PRKG1: variants seen among roughly 807,000 people sequenced by gnomAD.
The protein encoded by PRKG1 is cGMP-dependent protein kinase 1.
Under a neutral mutation model 88.1 loss-of-function variants are expected in PRKG1, and 35 were observed. The ratio of observed to expected loss-of-function variants is 0.40; its 90% CI spans 0.30 to 0.53. The LOEUF is 0.53. PRKG1 is among the 20% of genes least tolerant of loss of function. The probability of loss-of-function intolerance (pLI) is 0.59; values close to 1 mark genes in which losing one functional copy is unlikely to be tolerated. For synonymous variants in PRKG1, 303 were observed against 292.5 expected (o/e 1.04, Z -0.37); for missense variants, 540 against 839.8 (o/e 0.64, Z 4.41).
At chr10:51,107,810 C>CAAA (rs150587434) in intron 1 of PRKG1, among the ~76,000 whole-genome samples, 10 of 63,278 alleles carry the variant, frequency 1.6e-4, no homozygotes, top group South Asian at 7.0e-4. Flanking sequence ...AACCCTGTCT[C>CAAA]AAAAAAAAAA....
At chr10:51,741,587 G>A (rs10999189) in intron 3 of PRKG1, among the ~76,000 whole-genome samples, 70 of 152,088 alleles carry the variant, frequency 4.6e-4, no homozygotes, top group Admixed American at 7.8e-4. Flanking sequence ...GTTTTAAGAC[G>A]TCCACAAGGC....
chr10:51,782,961 T>G (rs1432553231), intron 3 of PRKG1, among the ~76,000 whole-genome samples: 1 of 152,078 alleles, frequency 6.6e-6, no homozygotes, highest in Non-Finnish European at 1.5e-5. Flanking sequence ...GAGTCCTGTC[T>G]TTTGACGCCT....
chr10:52,027,778 T>TGTA (rs1564436443), intron 5 of PRKG1, among the ~76,000 whole-genome samples: 2 of 151,614 alleles, frequency 1.3e-5, no homozygotes, highest in African/African-American at 4.8e-5. Flanking sequence ...CTGTTCTATC[T>TGTA]TTATTATTAT....
Position 52,166,859 on chromosome 10 carries a change from ATATCTG to A in PRKG1, c.1076+4900_1076+4905del, listed in dbSNP as rs1564498644. On this transcript the variant is annotated intron_variant, in intron 9 of 17. Transcript: ENST00000373980. ...TATATGTATATATATGTCTATATAT[ATATCTG>A]TATATGTGTATGTATACACACACAC... 1.7e-4 allele frequency among the ~76,000 whole-genome samples: 16 copies of A among 96,964 alleles called. No homozygotes were observed. The East Asian group carries it at 4.4e-3, about 27-fold the overall frequency. 63.6% of individuals were successfully genotyped at this position (96,964 alleles called of 152,430 possible).
rs115678411 is a variant in PRKG1, at chr10:52,001,464, T to C, written c.763-53020T>C. Reference sequence around the variant, plus strand: ...ACCTACATCCAAACATCACATTGTATATCCTAAACATATACAACTTTTTTT... The same window carrying C: ...ACCTACATCCAAACATCACATTGTACATCCTAAACATATACAACTTTTTTT... On this transcript the variant is annotated intron_variant, in intron 5 of 17. Transcript: ENST00000373980. 1.3e-3 allele frequency among the ~76,000 whole-genome samples: 191 copies of C among 152,138 alleles called. 1 individual carries two copies. Among genetic ancestry groups the C allele is most frequent in the African/African-American group, 4.5e-3 (186 of 41,562 alleles).
intron 2 of PRKG1, among the ~76,000 whole-genome samples, chr10:51,425,902 C>G (rs1272732180): frequency 6.6e-6 from 1 of 152,164 alleles, no homozygotes; most frequent in Non-Finnish European, 1.5e-5. Flanking sequence ...TCCGTAGGCT[C>G]TCAATTTTCT....
At position 51,028,454 on chromosome 10, in the gene PRKG1, A is replaced by G. The variant is rs570656195; in HGVS notation, c.266+36810A>G. On this transcript the variant is annotated intron_variant, in intron 1 of 17. Coordinates refer to the PRKG1 transcript ENST00000401604. ...CTATCTGTTGATTGGATTTGGCTGTATTCTCAATGAAAGCCTAGTGCTCTA... is the reference window on the plus strand; with the variant it reads ...CTATCTGTTGATTGGATTTGGCTGTGTTCTCAATGAAAGCCTAGTGCTCTA... Among the ~76,000 whole-genome samples the G allele has an allele frequency of 4.9e-4, 74 of 152,282 alleles. 1 individual carries two copies. The highest frequency in any genetic ancestry group is 1.8e-3 in the African/African-American group (73 of 41,566).
At chr10:51,604,285 C>A (rs1042655087) in intron 3 of PRKG1, among the ~76,000 whole-genome samples, 13 of 152,230 alleles carry the variant, frequency 8.5e-5, no homozygotes, top group African/African-American at 3.1e-4. Flanking sequence ...TTACTCCTAT[C>A]TGAAACTTGC....
chr10:52,079,190 A>T (rs1846705872), intron 7 of PRKG1, among the ~76,000 whole-genome samples: 1 of 152,200 alleles, frequency 6.6e-6, no homozygotes, highest in Non-Finnish European at 1.5e-5. Context: ...CAGTTCTTCC[A>T]CAGCATTTCT....
At chr10:51,470,910 A>G (rs1226049548) in intron 3 of PRKG1, among the ~76,000 whole-genome samples, 1 of 151,846 alleles carries the variant, frequency 6.6e-6, no homozygotes, top group Non-Finnish European at 1.5e-5. Context: ...AATAACATTT[A>G]TTTTCAGTGG....
chr10:51,687,180 C>A (rs1454170306), intron 3 of PRKG1, among the ~76,000 whole-genome samples: 1 of 152,164 alleles, frequency 6.6e-6, no homozygotes, highest in Non-Finnish European at 1.5e-5. Flanking sequence ...GCTTAATTTA[C>A]AAATGTTGAT....
intron 1 of PRKG1, among the ~76,000 whole-genome samples, chr10:51,139,079 G>A (rs1484911158): frequency 6.6e-6 from 1 of 152,140 alleles, no homozygotes; most frequent in Non-Finnish European, 1.5e-5. Context: ...TGGTATGTGT[G>A]TGTTTGTGTA....
At chr10:51,900,406 A>G (rs1414725267) in intron 4 of PRKG1, among the ~76,000 whole-genome samples, 7 of 152,314 alleles carry the variant, frequency 4.6e-5, no homozygotes, top group African/African-American at 1.7e-4. Context: ...ATACTCTATT[A>G]TAACATCAAA....
chr10:52,249,623 T>C (rs1841120419), intron 9 of PRKG1, among the ~76,000 whole-genome samples: 1 of 152,096 alleles, frequency 6.6e-6, no homozygotes, highest in East Asian at 1.9e-4. Context: ...ACACCATACT[T>C]TGAATATATG....
chr10:51,115,385 A>ATATATATATATATATAT (rs1554837458), intron 1 of PRKG1, among the ~76,000 whole-genome samples: 36 of 94,520 alleles, frequency 3.8e-4, no homozygotes, highest in Non-Finnish European at 5.2e-4. Flanking sequence ...ATATATATAT[A>ATATATATATATATATAT]AAACAAATGT....
intron 2 of PRKG1, among the ~76,000 whole-genome samples, chr10:51,219,573 G>T (rs557902586): frequency 5.3e-5 from 8 of 152,028 alleles, no homozygotes; most frequent in African/African-American, 1.7e-4. Flanking sequence ...ACCCGGGTGT[G>T]GTGGCAGGTG....
At chr10:51,816,151 G>T (rs1377191553) in intron 4 of PRKG1, among the ~76,000 whole-genome samples, 1 of 152,152 alleles carries the variant, frequency 6.6e-6, no homozygotes, top group Non-Finnish European at 1.5e-5. Context: ...CCAGAATCGT[G>T]AAAATTAGCG....
intron 5 of PRKG1, among the ~76,000 whole-genome samples, chr10:51,982,582 C>A (rs866769725): frequency 6.6e-6 from 1 of 152,176 alleles, no homozygotes; most frequent in African/African-American, 2.4e-5. Flanking sequence ...AGGGGACAAA[C>A]ACTCAGCTCC....
chr10:51,856,057 A>T (rs1840670823), intron 4 of PRKG1, among the ~76,000 whole-genome samples: 1 of 152,100 alleles, frequency 6.6e-6, no homozygotes, highest in Non-Finnish European at 1.5e-5. Flanking sequence ...GCTTCTGGTC[A>T]CATCCCTTCA....
Sources: allele counts gnomAD v4.1 joint callset (sites outside exome capture counted in the v4.1 genomes callset), GRCh38; gene constraint gnomAD v4.1.1; transcripts MANE v1.5; gene names NCBI Gene and HGNC (gene_info 2026-07-23, HGNC 2026-07-21).